EVL: variants seen among roughly 807,000 people sequenced by gnomAD.
The protein encoded by EVL is Enah/Vasp-like.
Under a neutral mutation model 59.6 loss-of-function variants are expected in EVL, and 21 were observed. The ratio of observed to expected loss-of-function variants is 0.35; its 90% CI spans 0.25 to 0.51. EVL has a LOEUF of 0.51. Ranked by LOEUF, EVL falls within the 20% of genes least tolerant of loss-of-function variation. The pLI, the probability that EVL is intolerant of heterozygous loss-of-function variation, is 0.97. For missense variants in EVL, 462 were observed against 546.6 expected (o/e 0.85, Z 1.54); for synonymous variants, 198 against 203.5 (o/e 0.97, Z 0.23).
intron 1 of EVL, among the ~76,000 whole-genome samples, chr14:100,002,104 G>A (rs531010043): frequency 9.9e-5 from 15 of 152,208 alleles, no homozygotes; most frequent in African/African-American, 2.4e-4. Flanking sequence ...GATCAGCAAC[G>A]TTTTAAGCAA....
At position 100,120,571 on chromosome 14, in the gene EVL, C is replaced by G. The variant is rs565770391; in HGVS notation, c.359-2968C>G. 8.5e-5 allele frequency among the ~76,000 whole-genome samples: 13 copies of G among 152,242 alleles called. No individual in the cohort carries two copies. In the East Asian group the frequency reaches 2.5e-3, roughly 29 times the overall value. On this transcript the variant is annotated intron_variant, in intron 3 of 13. Coordinates refer to ENST00000392920, the MANE Select transcript of EVL (RefSeq NM_016337.3). ...CACTGAGCTGGGCCTGGAAGCCTTG[C>G]TTGGTGGAGACGGCAGGAAAAGGTG... is the stretch of plus-strand genomic sequence containing the variant.
intron 3 of EVL, among the ~76,000 whole-genome samples, chr14:100,112,339 C>T (rs1460234295): frequency 2.0e-5 from 3 of 152,198 alleles, no homozygotes; most frequent in Non-Finnish European, 4.4e-5. Flanking sequence ...ACAGCAGCCA[C>T]TGTCTGACTG....
intron 1 of EVL, among the ~76,000 whole-genome samples, chr14:100,077,213 A>C (rs1356251119): frequency 6.6e-6 from 1 of 152,196 alleles, no homozygotes; most frequent in East Asian, 1.9e-4. Flanking sequence ...GTGGTCTAAA[A>C]TAAATAACAA....
chr14:100,134,022 C>T (rs754293387), intron 8 of EVL, among the ~76,000 whole-genome samples: 2 of 152,220 alleles, frequency 1.3e-5, no homozygotes, highest in South Asian at 2.1e-4. Context: ...ATCCCAGCCC[C>T]GGTCTTCTCC....
At chr14:100,040,007 C>T (rs1031667444) in intron 1 of EVL, among the ~76,000 whole-genome samples, 23 of 152,036 alleles carry the variant, frequency 1.5e-4, no homozygotes, top group African/African-American at 5.3e-4. Flanking sequence ...CTCAAACTCC[C>T]GGGCTCAAGG....
intron 2 of EVL, among the ~76,000 whole-genome samples, chr14:100,092,456 C>T (rs1455915490): frequency 6.6e-6 from 1 of 152,088 alleles, no homozygotes; most frequent in Non-Finnish European, 1.5e-5. Flanking sequence ...AGAATTCAGC[C>T]AGACTCAGTG....
At chr14:100,095,914 G>C (rs1258491217) in intron 2 of EVL, among the ~76,000 whole-genome samples, 2 of 152,192 alleles carry the variant, frequency 1.3e-5, no homozygotes, top group East Asian at 3.9e-4. Context: ...TTTTAGTAGA[G>C]ACGGGGTTTT....
At chr14:100,076,735 C>T (rs567615395) in intron 1 of EVL, among the ~76,000 whole-genome samples, 12 of 152,202 alleles carry the variant, frequency 7.9e-5, no homozygotes, top group Admixed American at 2.6e-4. Flanking sequence ...CCACAGAGTG[C>T]GGGGGGTGGA....
chr14:100,048,587 A>G (rs756621410), intron 1 of EVL, among the ~76,000 whole-genome samples: 1 of 152,210 alleles, frequency 6.6e-6, no homozygotes, highest in Non-Finnish European at 1.5e-5. Flanking sequence ...AGTTTTACAT[A>G]CAGTTAACAT....
rs2140415355 is a variant in EVL, at chr14:100,143,951, G to A, written c.*213G>A. The A allele has an allele frequency of 5.4e-6, 3 of 559,278 alleles. No homozygotes were observed. In the South Asian group the frequency reaches 7.6e-5, roughly 14 times the overall value. The allele number at this position is 559,278 out of a possible 1,614,324, so 34.6% of individuals were successfully genotyped here. On this transcript the variant is annotated 3_prime_UTR_variant, in exon 14 of 14. Transcript: ENST00000392920. The stretch of plus-strand genomic sequence containing the variant: ...GATTCTGCCTGACACGGAACACCAG[G>A]TCTGCTCGTCTTTTTTGTGTTTTAT...
At chr14:100,021,189 C>T (rs143455705) in intron 1 of EVL, among the ~76,000 whole-genome samples, 97 of 152,280 alleles carry the variant, frequency 6.4e-4, no homozygotes, top group Non-Finnish European at 1.1e-3. Context: ...GAGCTTGGAG[C>T]CTTTCATTAC....
intron 1 of EVL, among the ~76,000 whole-genome samples, chr14:100,045,348 A>G (rs1227790541): frequency 6.6e-6 from 1 of 152,174 alleles, no homozygotes; most frequent in Non-Finnish European, 1.5e-5. Flanking sequence ...TTGCCTTGTT[A>G]TCGCACCTGC....
At chr14:100,129,443 C>T in intron 6 of EVL, 120 bp from the exon 7 acceptor site, 1 of 1,444,006 alleles carries the variant, frequency 6.9e-7, no homozygotes, top group Non-Finnish European at 9.5e-7. Context: ...CCTGAGGCCC[C>T]TTGCAGTGCT....
At chr14:99,993,314 T>A (rs1042395847) in intron 1 of EVL, among the ~76,000 whole-genome samples, 4 of 152,160 alleles carry the variant, frequency 2.6e-5, no homozygotes, top group Admixed American at 6.5e-5. Flanking sequence ...CACCTTGGCC[T>A]CCCAAAGTGC....
chr14:100,069,085 T>C (rs899455304), intron 1 of EVL, among the ~76,000 whole-genome samples: 2 of 152,194 alleles, frequency 1.3e-5, no homozygotes, highest in Non-Finnish European at 2.9e-5. Flanking sequence ...AGGCAGGGAT[T>C]TTCGCCTATT....
chr14:99,982,589 G>A (rs1350174988), intron 1 of EVL, among the ~76,000 whole-genome samples: 5 of 152,152 alleles, frequency 3.3e-5, no homozygotes, highest in Non-Finnish European at 5.9e-5. Context: ...AGAGCGGGGG[G>A]AAAAAATACT....
In EVL at chr14:100,097,405, T is replaced by C; in HGVS notation, c.181-76T>C. On this transcript the variant is annotated intron_variant, in intron 2 of 13. Transcript: ENST00000392920. ...CTGTCCTCTCAAGGATACAGTATACTTGCTCCATCGCAGCGCCCTCGAGCT... is the reference window on the plus strand; with the variant it reads ...CTGTCCTCTCAAGGATACAGTATACCTGCTCCATCGCAGCGCCCTCGAGCT... The C allele has an allele frequency of 2.3e-6, 3 of 1,328,358 alleles. No homozygotes were observed. In the South Asian group the frequency reaches 4.2e-5, roughly 19 times the overall value. The allele number at this position is 1,328,358 out of a possible 1,614,324, so 82.3% of individuals were successfully genotyped here. A position where few individuals can be genotyped will look rare whatever the true frequency, so the allele number is the denominator to read the frequency against.
intron 1 of EVL, among the ~76,000 whole-genome samples, chr14:100,065,927 G>C (rs2061921313): frequency 6.6e-6 from 1 of 152,128 alleles, no homozygotes; most frequent in Non-Finnish European, 1.5e-5. Context: ...AGGCAGAGAG[G>C]GTTCTTTTTA....
At chr14:99,997,630 A>G (rs992000373) in intron 1 of EVL, among the ~76,000 whole-genome samples, 2 of 152,242 alleles carry the variant, frequency 1.3e-5, no homozygotes, top group African/African-American at 2.4e-5. Flanking sequence ...GGACAGACCT[A>G]TCAGGGTTCT....
Sources: gnomAD v4.1 joint callset for allele counts (sites outside exome capture counted in the v4.1 genomes callset) on GRCh38, gnomAD v4.1.1 for gene constraint, MANE v1.5 for transcripts, NCBI Gene and HGNC (gene_info 2026-07-23, HGNC 2026-07-21) for gene names.